FAF1: variants seen among roughly 807,000 people sequenced by gnomAD.
FAF1 encodes the protein Fas associated factor 1.
FAF1 carries 25 observed loss-of-function variants against 92.5 expected under a neutral mutation model. The observed-to-expected ratio is 0.27, with a 90% confidence interval of 0.20 to 0.38. The LOEUF (loss-of-function observed/expected upper bound fraction) is 0.38. FAF1 is among the 10% of genes least tolerant of loss of function. FAF1 has a pLI of 1.00. For missense variants in FAF1, 636 were observed against 793.3 expected (o/e 0.80, Z 2.38); for synonymous variants, 234 against 273.2 (o/e 0.86, Z 1.42).
chr1:50,876,736 A>G (rs977556513), intron 1 of FAF1, among the ~76,000 whole-genome samples: 1 of 151,960 alleles, frequency 6.6e-6, no homozygotes, highest in Non-Finnish European at 1.5e-5. Flanking sequence ...CAGGAGCACC[A>G]CCACACCTGG....
At chr1:50,709,373 T>G (rs1341638847) in intron 6 of FAF1, among the ~76,000 whole-genome samples, 1 of 152,208 alleles carries the variant, frequency 6.6e-6, no homozygotes, top group Non-Finnish European at 1.5e-5. Flanking sequence ...TATGTTTTTA[T>G]AATAACTGAT....
At chr1:50,477,144 C>T (rs1172957650) in intron 17 of FAF1, among the ~76,000 whole-genome samples, 2 of 152,188 alleles carry the variant, frequency 1.3e-5, no homozygotes. Flanking sequence ...TAATACTGAA[C>T]TATTTTTTTT....
intron 7 of FAF1, among the ~76,000 whole-genome samples, chr1:50,661,809 AGT>A (rs1254647180): frequency 6.6e-6 from 1 of 152,194 alleles, no homozygotes; most frequent in Non-Finnish European, 1.5e-5. Context: ...CTGAATCAGA[AGT>A]GATTCAGAAT....
intron 1 of FAF1, among the ~76,000 whole-genome samples, chr1:50,951,721 A>G (rs1324890952): frequency 1.3e-5 from 2 of 152,240 alleles, no homozygotes; most frequent in Admixed American, 1.3e-4. Context: ...AAGGAAAGAA[A>G]GGACAGGTAA....
chr1:50,573,894 G>A (rs77565488), intron 12 of FAF1, among the ~76,000 whole-genome samples: 7,192 of 151,946 alleles, frequency 0.047, 552 homozygotes, highest in African/African-American at 0.16. Flanking sequence ...TTGGGAGGCC[G>A]AGGCAGTTGG....
intron 3 of FAF1, among the ~76,000 whole-genome samples, chr1:50,792,124 C>T (rs1324936260): frequency 6.6e-6 from 1 of 152,076 alleles, no homozygotes; most frequent in African/African-American, 2.4e-5. Context: ...GTAATAATGA[C>T]ACCAAGGACT....
intron 1 of FAF1, among the ~76,000 whole-genome samples, chr1:50,882,806 T>G (rs185749996): frequency 6.6e-6 from 1 of 151,414 alleles, no homozygotes; most frequent in Non-Finnish European, 1.5e-5. Context: ...GCCAACATGG[T>G]GAAACCCCAT....
At chr1:50,765,051 G>A (rs892758787) in intron 4 of FAF1, among the ~76,000 whole-genome samples, 1 of 152,134 alleles carries the variant, frequency 6.6e-6, no homozygotes, top group African/African-American at 2.4e-5. Flanking sequence ...GCTGCTCTGA[G>A]TACAATTCTT....
intron 1 of FAF1, among the ~76,000 whole-genome samples, chr1:50,936,714 G>C (rs1645088009): frequency 6.6e-6 from 1 of 152,154 alleles, no homozygotes; most frequent in South Asian, 2.1e-4. Context: ...CCAAGGAAAG[G>C]ATGATTATTT....
At chr1:50,685,313 A>C (rs1237583693) in intron 7 of FAF1, among the ~76,000 whole-genome samples, 1 of 152,258 alleles carries the variant, frequency 6.6e-6, no homozygotes, top group Non-Finnish European at 1.5e-5. Context: ...TCTCACTTTC[A>C]TTCTCACAAA....
At chr1:50,884,764 C>T (rs147493334) in intron 1 of FAF1, among the ~76,000 whole-genome samples, 21 of 152,072 alleles carry the variant, frequency 1.4e-4, no homozygotes, top group Admixed American at 3.9e-4. Context: ...CTGATTTTGG[C>T]ATCAGGGTAA....
In FAF1 at chr1:50,439,187, G is replaced by A. The variant is rs916982083; in HGVS notation, c.*2253C>T. The A allele has an allele frequency of 1.3e-5, 2 of 152,242 alleles. No homozygotes were observed. The highest frequency in any genetic ancestry group is 2.9e-5 in the Non-Finnish European group (2 of 68,046). The allele number at this position is 152,242 out of a possible 1,614,324, so 9.4% of individuals were successfully genotyped here. ...AAAGCCCAAGGAAGCCTAATGGTAG[G>A]AGGAAGAACTGCAGAGGACACTGCT... On this transcript the variant is annotated 3_prime_UTR_variant, in exon 19 of 19. Coordinates refer to ENST00000396153, the MANE Select transcript of FAF1 (RefSeq NM_007051.3).
At chr1:50,615,597 T>C (rs1652877873) in intron 8 of FAF1, among the ~76,000 whole-genome samples, 1 of 152,184 alleles carries the variant, frequency 6.6e-6, no homozygotes, top group Non-Finnish European at 1.5e-5. Flanking sequence ...CTCATTGTGG[T>C]TTTAATTTGC....
In FAF1 at chr1:50,633,332, G is replaced by C. The variant is rs566543793; in HGVS notation, c.744+22110C>G. Among the ~76,000 whole-genome samples, 3 of 152,318 alleles carry C rather than the reference G, an allele frequency of 2.0e-5. No homozygotes were observed. The South Asian group carries it at 6.2e-4, about 32-fold the overall frequency. On this transcript the variant is annotated intron_variant, in intron 8 of 18. Coordinates refer to ENST00000396153, the MANE Select transcript of FAF1 (RefSeq NM_007051.3). ...AAGTTTTATTCGTAAAATCAGTCCTGTATCTTCTAACCTGTCATAATTAAT... is the reference window on the plus strand; with the variant it reads ...AAGTTTTATTCGTAAAATCAGTCCTCTATCTTCTAACCTGTCATAATTAAT...
chr1:50,497,646 T>C (rs1316526964), intron 15 of FAF1, among the ~76,000 whole-genome samples: 1 of 147,420 alleles, frequency 6.8e-6, no homozygotes, highest in Non-Finnish European at 1.5e-5. Context: ...CCCCCCCAGG[T>C]TTAAGCAATT....
intron 7 of FAF1, among the ~76,000 whole-genome samples, chr1:50,684,547 A>G (rs967411685): frequency 1.3e-4 from 20 of 152,186 alleles, no homozygotes; most frequent in African/African-American, 4.8e-4. Context: ...CCAATGATAT[A>G]CCGGTAAATG....
intron 6 of FAF1, among the ~76,000 whole-genome samples, chr1:50,714,326 A>C (rs1245836469): frequency 6.6e-6 from 1 of 150,480 alleles, no homozygotes; most frequent in Non-Finnish European, 1.5e-5. Flanking sequence ...AACATAGTGA[A>C]ATCGTGTCTC....
In FAF1 at chr1:50,596,160, T is replaced by C. The variant is rs1352645538; in HGVS notation, c.801A>G (p.Arg267=). The C allele has an allele frequency of 6.2e-7, 1 of 1,613,910 alleles. No homozygotes were observed. Among genetic ancestry groups the C allele is most frequent in the Non-Finnish European group, 8.5e-7 (1 of 1,179,946 alleles). Residue 267 remains arginine, a synonymous_variant, in exon 9 of 19, where the codon AGA becomes AGG. Coordinates refer to ENST00000396153, the MANE Select transcript of FAF1 (RefSeq NM_007051.3). ...SYPCHRLTVG[R]RSSPAQTREQ... is the part of the protein sequence containing the mutation. ...CCCGGGTCTGTGCAGGTGAAGATCT[T>C]CTTCCCACTGTAAGTCGATGGCAGG...
At chr1:50,691,380 CTG>C (rs1475747805) in intron 7 of FAF1, among the ~76,000 whole-genome samples, 10 of 150,610 alleles carry the variant, frequency 6.6e-5, no homozygotes, top group Non-Finnish European at 1.2e-4. Flanking sequence ...GTAGCTGAGA[CTG>C]CAGGCATGCA....
Sources: gnomAD v4.1 joint callset for allele counts (sites outside exome capture counted in the v4.1 genomes callset) on GRCh38, gnomAD v4.1.1 for gene constraint, MANE v1.5 for transcripts, NCBI Gene and HGNC (gene_info 2026-07-23, HGNC 2026-07-21) for gene names.